Variants in SSBP3 observed in about 807,000 individuals in gnomAD.
SSBP3 encodes single stranded DNA binding protein 3, also known as single-stranded DNA-binding protein 3.
A neutral mutation model predicts 69.6 loss-of-function variants in SSBP3; 5 were observed. The observed-to-expected ratio is 0.07, with a 90% CI of 0.04 to 0.15. SSBP3 has a LOEUF of 0.15. Ranked by LOEUF, SSBP3 falls within the 10% of genes least tolerant of loss-of-function variation. The pLI, the probability that SSBP3 is intolerant of heterozygous loss-of-function variation, is 1.00. For missense variants in SSBP3, 312 were observed against 534.0 expected, an observed-to-expected ratio of 0.58 and a Z score of 4.10; for synonymous variants, 196 against 193.4, an observed-to-expected ratio of 1.01 and a Z score of -0.11.
At chr1:54,263,564 G>A (rs563664476) in intron 5 of SSBP3, among the ~76,000 whole-genome samples, 12 of 152,368 alleles carry the variant, frequency 7.9e-5, no homozygotes, top group Admixed American at 2.6e-4. Flanking sequence ...CCACTCGCCT[G>A]CCCTTTACAA....
At chr1:54,226,220 C>T (rs891010144) in exon 18 of SSBP3, 15 of 140,584 alleles carry the variant, frequency 1.1e-4, no homozygotes, top group African/African-American at 2.5e-4. Flanking sequence ...GAGGCCAGGA[C>T]GGAAGGGAGG....
At chr1:54,240,881 C>G (rs767848407) in intron 13 of SSBP3, 24 bp downstream of exon 13, 27 of 1,613,034 alleles carry the variant, frequency 1.7e-5, no homozygotes, top group African/African-American at 2.7e-5. Context: ...CCAGACCCCC[C>G]ACTTTCCCCT....
At chr1:54,289,399 G>T (rs1047317077) in intron 4 of SSBP3, among the ~76,000 whole-genome samples, 1 of 151,740 alleles carries the variant, frequency 6.6e-6, no homozygotes, top group Non-Finnish European at 1.5e-5. Flanking sequence ...GGGGTGGGGT[G>T]GGGGGCTGTA....
intron 4 of SSBP3, among the ~76,000 whole-genome samples, chr1:54,336,743 C>A (rs188512471): frequency 1.5e-3 from 223 of 152,328 alleles, no homozygotes; most frequent in African/African-American, 5.1e-3. Context: ...AGGGCTTTGG[C>A]GTGCTGCAGC....
intron 5 of SSBP3, among the ~76,000 whole-genome samples, chr1:54,267,888 G>A (rs1645128422): frequency 6.6e-6 from 1 of 152,094 alleles, no homozygotes; most frequent in Non-Finnish European, 1.5e-5. Flanking sequence ...GCCCTGCACA[G>A]CCAGCTCTCT....
intron 4 of SSBP3, among the ~76,000 whole-genome samples, chr1:54,396,955 G>A (rs1648933135): frequency 6.6e-6 from 1 of 152,218 alleles, no homozygotes. Context: ...ATTAGCTACC[G>A]ATGGAGGAGT....
At chr1:54,242,825 C>G (rs1644663999) in intron 10 of SSBP3, 1 of 170,416 alleles carries the variant, frequency 5.9e-6, no homozygotes, top group African/African-American at 2.4e-5. Context: ...TGGCGGGAGC[C>G]TGTAACACCA....
At chr1:54,390,325 C>CATGA (rs1181428935) in intron 4 of SSBP3, among the ~76,000 whole-genome samples, 2 of 152,156 alleles carry the variant, frequency 1.3e-5, no homozygotes, top group Non-Finnish European at 2.9e-5. Flanking sequence ...GTCAACCTCC[C>CATGA]ATGAAGACTG....
chr1:54,326,408 A>C (rs1043133245), intron 4 of SSBP3: 16 of 152,282 alleles, frequency 1.1e-4, no homozygotes, highest in African/African-American at 3.9e-4. Context: ...TTTCCTTCCA[A>C]GCCTGGTTTG....
upstream of SSBP3, chr1:54,406,500 C>A (rs1570086116): frequency 6.6e-6 from 1 of 152,316 alleles, no homozygotes; most frequent in Non-Finnish European, 1.5e-5. Context: ...CGGGGGCGGG[C>A]CCGGGCCGGC....
intron 4 of SSBP3, among the ~76,000 whole-genome samples, chr1:54,299,077 G>A (rs1374185443): frequency 2.6e-5 from 4 of 152,022 alleles, no homozygotes; most frequent in Non-Finnish European, 5.9e-5. Context: ...TTCGTGCTTG[G>A]TTGTTATTAA....
chr1:54,314,698 G>A (rs1322665203), intron 4 of SSBP3, among the ~76,000 whole-genome samples: 1 of 152,216 alleles, frequency 6.6e-6, no homozygotes, highest in Non-Finnish European at 1.5e-5. Flanking sequence ...TTAAGGAAAA[G>A]AGTTGTTCTT....
chr1:54,235,147 C>CGT (rs1644464817), intron 14 of SSBP3, among the ~76,000 whole-genome samples: 2 of 152,288 alleles, frequency 1.3e-5, no homozygotes, highest in South Asian at 2.1e-4. Context: ...TAGGAATTCA[C>CGT]GTCCATCTCT....
intron 4 of SSBP3, among the ~76,000 whole-genome samples, chr1:54,379,194 G>A (rs893545614): frequency 6.6e-6 from 1 of 152,242 alleles, no homozygotes; most frequent in South Asian, 2.1e-4. Context: ...TGCTACGCAG[G>A]AGCGACATGC....
Position 54,262,731 on chromosome 1 carries a change from C to T in SSBP3, c.367-4582G>A, listed in dbSNP as rs183103441. ...AGGCCTGGTACCCCCATGAGCCAACCGGAACTGGGATGAGAACTGGGGTCC... is the reference window on the plus strand; with the variant it reads ...AGGCCTGGTACCCCCATGAGCCAACTGGAACTGGGATGAGAACTGGGGTCC... On this transcript the variant is annotated intron_variant, in intron 5 of 17. Transcript: ENST00000610401. Among the ~76,000 whole-genome samples, 28 of 152,298 alleles carry T rather than the reference C, an allele frequency of 1.8e-4. No individual in the cohort carries two copies. The East Asian group carries it at 2.3e-3, about 13-fold the overall frequency.
At chr1:54,238,100 T>G (rs774562368) in intron 14 of SSBP3, 3 of 462,782 alleles carry the variant, frequency 6.5e-6, no homozygotes, top group African/African-American at 4.0e-5. Flanking sequence ...AGCCAGATGG[T>G]TGGTCACACC....
At chr1:54,303,104 G>A (rs765355816) in intron 4 of SSBP3, among the ~76,000 whole-genome samples, 2 of 152,188 alleles carry the variant, frequency 1.3e-5, no homozygotes, top group Non-Finnish European at 2.9e-5. Flanking sequence ...TTAGAGACAA[G>A]AGCGAGGCAC....
At chr1:54,332,083 C>T (rs1646426957) in intron 4 of SSBP3, among the ~76,000 whole-genome samples, 1 of 152,202 alleles carries the variant, frequency 6.6e-6, no homozygotes, top group African/African-American at 2.4e-5. Context: ...GAAGGACTTG[C>T]CCAAGGTCGC....
rs889991879 is a variant in SSBP3 at position 54,325,967 on chromosome 1, C to A, written c.277-44440G>T. Reference sequence around the variant, plus strand: ...CAGGCAGCTCCCCCCCGCCACCCCCCACCCAGCAGCCTGTCACACCTTCAT... The same window carrying A: ...CAGGCAGCTCCCCCCCGCCACCCCCAACCCAGCAGCCTGTCACACCTTCAT... On this transcript the variant is annotated intron_variant, in intron 4 of 17. Transcript: ENST00000610401. Among the ~76,000 whole-genome samples the A allele has an allele frequency of 3.3e-5, 5 of 151,684 alleles. No homozygotes were observed. In the East Asian group the frequency reaches 9.7e-4, roughly 29 times the overall value.
Sources: gnomAD v4.1 joint callset for allele counts (sites outside exome capture counted in the v4.1 genomes callset) on GRCh38, gnomAD v4.1.1 for gene constraint, MANE v1.5 for transcripts, NCBI Gene and HGNC (gene_info 2026-07-23, HGNC 2026-07-21) for gene names.